The following AUTS2 variants were observed in gnomAD, a reference collection of about 807,000 sequenced individuals.
The protein encoded by AUTS2 is autism susceptibility gene 2 protein.
AUTS2 carries 17 observed loss-of-function variants against 112.4 expected under a neutral mutation model. The observed-to-expected ratio is 0.15, with a 90% CI of 0.10 to 0.23. The LOEUF is 0.23. Among genes scored for constraint, AUTS2 ranks in the 10% least tolerant of loss-of-function variants. The probability of loss-of-function intolerance (pLI) is 1.00; values close to 1 mark genes in which losing one functional copy is unlikely to be tolerated. For synonymous variants in AUTS2, 751 were observed against 702.7 expected, an observed-to-expected ratio of 1.07 and a Z score of -1.09; for missense variants, 1,510 against 1,701.6, an observed-to-expected ratio of 0.89 and a Z score of 1.98.
At chr7:70,741,419 CG>C (rs1196438305) in intron 6 of AUTS2, among the ~76,000 whole-genome samples, 1 of 151,632 alleles carries the variant, frequency 6.6e-6, no homozygotes, top group East Asian at 1.9e-4. Context: ...AGGCCGGGCG[CG>C]GTGGCTTACG....
chr7:69,972,501 A>G (rs1207724931), intron 2 of AUTS2, among the ~76,000 whole-genome samples: 1 of 151,944 alleles, frequency 6.6e-6, no homozygotes, highest in Non-Finnish European at 1.5e-5. Flanking sequence ...TCTTGCTTTT[A>G]TTGTCAAGTC....
intron 1 of AUTS2, among the ~76,000 whole-genome samples, chr7:69,690,330 C>T (rs745813256): frequency 6.6e-6 from 1 of 152,168 alleles, no homozygotes; most frequent in Non-Finnish European, 1.5e-5. Context: ...TCACAGGATC[C>T]TTAGGGTGTC....
At chr7:70,776,986 C>T (rs2129559161) in intron 13 of AUTS2, 117 bp from the exon 14 acceptor site, 1 of 915,594 alleles carries the variant, frequency 1.1e-6, no homozygotes, top group Non-Finnish European at 1.8e-6. Flanking sequence ...GTACAAAGCA[C>T]TCTTGTTTCA....
chr7:70,007,816 C>T (rs183937759), intron 2 of AUTS2, among the ~76,000 whole-genome samples: 2 of 152,280 alleles, frequency 1.3e-5, no homozygotes, highest in Admixed American at 6.5e-5. Flanking sequence ...ATTATTGATA[C>T]ATATAGCCTA....
At chr7:69,922,799 G>A (rs983074248) in intron 2 of AUTS2, among the ~76,000 whole-genome samples, 2 of 152,154 alleles carry the variant, frequency 1.3e-5, no homozygotes, top group South Asian at 2.1e-4. Flanking sequence ...GTTACTGAAA[G>A]CATGAGGAGG....
At chr7:70,399,588 G>A (rs1281303725) in intron 4 of AUTS2, among the ~76,000 whole-genome samples, 1 of 152,086 alleles carries the variant, frequency 6.6e-6, no homozygotes, top group Non-Finnish European at 1.5e-5. Flanking sequence ...CCACACCTAA[G>A]TGGATAGCAG....
chr7:69,765,226 A>G (rs1584211084), intron 1 of AUTS2, among the ~76,000 whole-genome samples: 1 of 152,272 alleles, frequency 6.6e-6, no homozygotes, highest in South Asian at 2.1e-4. Context: ...CTCATGTTCT[A>G]CTTAACTGTA....
chr7:70,351,370 A>G (rs1362564341), intron 4 of AUTS2, among the ~76,000 whole-genome samples: 1 of 152,048 alleles, frequency 6.6e-6, no homozygotes, highest in Non-Finnish European at 1.5e-5. Flanking sequence ...CTTCTTTTTT[A>G]AGGAGATGTA....
chr7:70,621,773 T>A (rs1563081975), intron 5 of AUTS2, among the ~76,000 whole-genome samples: 1 of 149,920 alleles, frequency 6.7e-6, no homozygotes, highest in Non-Finnish European at 1.5e-5. Flanking sequence ...GGACCAGTGC[T>A]GAACTTTGCT....
chr7:70,540,478 C>T (rs1800508374), intron 5 of AUTS2, among the ~76,000 whole-genome samples: 2 of 152,130 alleles, frequency 1.3e-5, no homozygotes, highest in African/African-American at 4.8e-5. Flanking sequence ...TGTGTGCAGC[C>T]CGGGGGAAGC....
At chr7:69,823,664 T>C (rs1791104071) in intron 1 of AUTS2, among the ~76,000 whole-genome samples, 1 of 152,142 alleles carries the variant, frequency 6.6e-6, no homozygotes, top group Non-Finnish European at 1.5e-5. Context: ...TCACTTATAC[T>C]GGGGATCACT....
chr7:70,698,460 C>A, intron 5 of AUTS2, 109 bp from the exon 6 acceptor site: 1 of 969,758 alleles, frequency 1.0e-6, no homozygotes, highest in African/African-American at 1.6e-5. Context: ...TGCTTCCCTG[C>A]TAGGCTTTCG....
intron 4 of AUTS2, among the ~76,000 whole-genome samples, chr7:70,234,104 G>A (rs1812195575): frequency 1.3e-5 from 2 of 152,154 alleles, no homozygotes; most frequent in African/African-American, 4.8e-5. Context: ...GGGCATTTAA[G>A]TCATATTTGT....
intron 5 of AUTS2, among the ~76,000 whole-genome samples, chr7:70,601,622 A>G (rs1257760098): frequency 1.3e-5 from 2 of 152,168 alleles, no homozygotes; most frequent in Non-Finnish European, 2.9e-5. Context: ...GGTGTGTGTC[A>G]GGGATGTGGC....
intron 4 of AUTS2, among the ~76,000 whole-genome samples, chr7:70,238,549 T>C (rs1457806542): frequency 6.6e-6 from 1 of 152,216 alleles, no homozygotes; most frequent in Admixed American, 6.5e-5. Context: ...CTCCCTTTCC[T>C]GTCCAAGGAG....
chr7:70,343,228 C>A (rs1014791281), intron 4 of AUTS2, among the ~76,000 whole-genome samples: 2 of 152,218 alleles, frequency 1.3e-5, no homozygotes, highest in African/African-American at 4.8e-5. Flanking sequence ...CCAGTTCACA[C>A]TGAAAGGGTA....
chr7:70,148,548 A>G (rs781616967), intron 4 of AUTS2, among the ~76,000 whole-genome samples: 1 of 152,058 alleles, frequency 6.6e-6, no homozygotes, highest in Admixed American at 6.5e-5. Flanking sequence ...GGTCAAAGTT[A>G]TTTAAGCAAT....
At position 70,790,996 on chromosome 7, in the gene AUTS2, A is replaced by C; in HGVS notation, c.3780A>C (p.Ter1260TyrextTer42). 6.7e-7 allele frequency: 1 copy of C among 1,492,824 alleles called. No homozygotes were observed. The allele number at this position is 1,492,824 out of a possible 1,614,324, so 92.5% of individuals were successfully genotyped here. A position where few individuals can be genotyped will look rare whatever the true frequency, so the allele number is the denominator to read the frequency against. The change falls in exon 19 of 19, where the codon TAA becomes TAC. Residue 1260 changes from the stop codon to tyrosine, a stop_lost. Transcript: ENST00000342771. The surrounding 1 kb of genome is among the most constrained non-coding windows in gnomAD (Gnocchi z 7.6). ...SHTLKDIEAR[*>Y] Reference sequence around the variant, plus strand: ...CGCTGAAGGATATCGAGGCCCGATAAGCCGAGAACAGGAGCAAGAACGAGG... The same window carrying C: ...CGCTGAAGGATATCGAGGCCCGATACGCCGAGAACAGGAGCAAGAACGAGG...
chr7:70,366,273 A>C (rs1792564147), intron 4 of AUTS2, among the ~76,000 whole-genome samples: 1 of 152,220 alleles, frequency 6.6e-6, no homozygotes, highest in Admixed American at 6.5e-5. Flanking sequence ...TAAGTTATAT[A>C]ATACAAACAT....
Sources: gnomAD v4.1 joint callset for allele counts (sites outside exome capture counted in the v4.1 genomes callset) on GRCh38, gnomAD v4.1.1 for gene constraint, Gnocchi (gnomAD v3.1) non-coding constraint, MANE v1.5 for transcripts, NCBI Gene and HGNC (gene_info 2026-07-23, HGNC 2026-07-21) for gene names.